The following MUCL1 variants were observed in gnomAD, a reference collection of about 807,000 sequenced individuals.
MUCL1 encodes mucin like 1.
MUCL1 carries 11 observed loss-of-function variants against 9.2 expected under a neutral mutation model. The observed-to-expected ratio is 1.19, with a 90% CI of 0.75 to 1.97. The LOEUF (loss-of-function observed/expected upper bound fraction) is 1.97. Among genes scored for constraint, MUCL1 ranks in the 30% most tolerant of loss-of-function variants. The probability of loss-of-function intolerance (pLI) is 0.00; values close to 1 mark genes in which losing one functional copy is unlikely to be tolerated. For synonymous variants in MUCL1, 48 were observed against 40.5 expected (o/e 1.19, Z -0.71); for missense variants, 144 against 110.9 (o/e 1.30, Z -1.34).
chr12:54,853,577 A>G (rs1868271900), upstream of MUCL1, among the ~76,000 whole-genome samples: 1 of 152,090 alleles, frequency 6.6e-6, no homozygotes, highest in Admixed American at 6.6e-5. Flanking sequence ...TTCAAATATC[A>G]CCTATTCAGT....
At position 54,858,328 on chromosome 12, in the gene MUCL1, T is replaced by C. The variant is rs897433655; in HGVS notation, c.*86T>C. The C allele has an allele frequency of 2.1e-6, 3 of 1,401,288 alleles. No homozygotes were observed. Among genetic ancestry groups the C allele is most frequent in the Non-Finnish European group, 3.0e-6 (3 of 988,246 alleles). The allele number at this position is 1,401,288 out of a possible 1,614,324, so 86.8% of individuals were successfully genotyped here. On this transcript the variant is annotated 3_prime_UTR_variant, in exon 4 of 4. Transcript: ENST00000308796. The stretch of plus-strand genomic sequence containing the variant: ...ATCCAACTACTTACCTTGCCTACGA[T>C]ATCCCCTTTATCTCTAATCAGTTTA...
chr12:54,847,250 G>A (rs1203680951), intron 1 of MUCL1, among the ~76,000 whole-genome samples: 2 of 152,148 alleles, frequency 1.3e-5, no homozygotes, highest in Admixed American at 6.5e-5. Flanking sequence ...ATAGTGTTGA[G>A]CAATGAACCT....
chr12:54,837,401 G>C (rs998884105), upstream of MUCL1, among the ~76,000 whole-genome samples: 3 of 151,992 alleles, frequency 2.0e-5, no homozygotes, highest in African/African-American at 7.3e-5. Flanking sequence ...TATAAGAATA[G>C]CTACTCCTGC....
At chr12:54,842,730 A>G (rs554465892) in intron 1 of MUCL1, among the ~76,000 whole-genome samples, 4 of 152,142 alleles carry the variant, frequency 2.6e-5, no homozygotes, top group African/African-American at 9.7e-5. Context: ...TATGAATACA[A>G]TTGCTTCAAC....
chr12:54,850,295 G>T (rs951990882), upstream of MUCL1, among the ~76,000 whole-genome samples: 14 of 150,750 alleles, frequency 9.3e-5, no homozygotes, highest in African/African-American at 3.4e-4. Flanking sequence ...ATCTCCTAAT[G>T]CTATCCCTCC....
At chr12:54,834,329 T>C (rs1249980316) in intron 1 of MUCL1, among the ~76,000 whole-genome samples, 1 of 152,130 alleles carries the variant, frequency 6.6e-6, no homozygotes, top group Non-Finnish European at 1.5e-5. Flanking sequence ...ATTTTTAAAC[T>C]ACCTTTTCTT....
At chr12:54,855,322 G>A in intron 2 of MUCL1, 165 bp downstream of exon 2, 2 of 623,622 alleles carry the variant, frequency 3.2e-6, no homozygotes, top group South Asian at 3.8e-5. Flanking sequence ...CACAAACATA[G>A]TGAATCTGCT....
chr12:54,852,701 G>A (rs1470529239), upstream of MUCL1, among the ~76,000 whole-genome samples: 2 of 152,048 alleles, frequency 1.3e-5, no homozygotes, highest in Non-Finnish European at 2.9e-5. Flanking sequence ...GGACACAGTG[G>A]GCTCTCAATA....
upstream of MUCL1, among the ~76,000 whole-genome samples, chr12:54,834,710 T>C (rs1364624419): frequency 6.6e-6 from 1 of 151,998 alleles, no homozygotes; most frequent in Non-Finnish European, 1.5e-5. Context: ...TTATTCATCC[T>C]ACATGATTGA....
upstream of MUCL1, among the ~76,000 whole-genome samples, chr12:54,838,359 A>T (rs1414282929): frequency 2.0e-5 from 3 of 152,274 alleles, no homozygotes; most frequent in Non-Finnish European, 1.5e-5. Flanking sequence ...CTGCTCTTAG[A>T]ATATCTTCCT....
At chr12:54,847,571 C>T (rs181302502) in intron 1 of MUCL1, among the ~76,000 whole-genome samples, 5 of 152,150 alleles carry the variant, frequency 3.3e-5, no homozygotes, top group South Asian at 2.1e-4. Flanking sequence ...GCCAAGATCA[C>T]GCCATTGCAC....
chr12:54,839,569 C>T (rs1422443079), intron 1 of MUCL1: 4 of 691,592 alleles, frequency 5.8e-6, no homozygotes, highest in Admixed American at 2.0e-5. Flanking sequence ...CAACCTCATC[C>T]TCCTGTCAAG....
intron 1 of MUCL1, among the ~76,000 whole-genome samples, chr12:54,841,145 T>C (rs1959209386): frequency 6.6e-6 from 1 of 152,242 alleles, no homozygotes; most frequent in African/African-American, 2.4e-5. Context: ...TTCATCCATG[T>C]TGCCATAAAA....
upstream of MUCL1, among the ~76,000 whole-genome samples, chr12:54,836,516 T>C (rs1013926284): frequency 2.0e-5 from 3 of 152,186 alleles, no homozygotes; most frequent in African/African-American, 7.2e-5. Context: ...TCCAATTGTG[T>C]TTATCTTGTC....
rs1592250144 is a variant in MUCL1 at position 54,855,028 on chromosome 12, G to A, written c.59-88G>A. ...AGGACTGAGGGTCTTCCATTGTAAA[G>A]TCTGGAATATTGTCCATATTCTCTC... is the stretch of plus-strand genomic sequence containing the variant. On this transcript the variant is annotated intron_variant, in intron 1 of 3. Coordinates refer to ENST00000308796, the MANE Select transcript of MUCL1 (RefSeq NM_058173.3). The A allele has an allele frequency of 1.2e-5, 14 of 1,125,026 alleles. No homozygotes were observed. The South Asian group carries it at 1.6e-4, about 13-fold the overall frequency. 69.7% of individuals were successfully genotyped at this position (1,125,026 alleles called of 1,614,324 possible). A position where few individuals can be genotyped will look rare whatever the true frequency, so the allele number is the denominator to read the frequency against.
chr12:54,835,917 C>G (rs1188664632), upstream of MUCL1, among the ~76,000 whole-genome samples: 1 of 152,152 alleles, frequency 6.6e-6, no homozygotes, highest in Admixed American at 6.6e-5. Context: ...ATCCCTGCAT[C>G]CCTGGGATGA....
At chr12:54,853,786 C>A (rs773115300), upstream of MUCL1, among the ~76,000 whole-genome samples, 3 of 151,972 alleles carry the variant, frequency 2.0e-5, no homozygotes, top group African/African-American at 7.2e-5. Flanking sequence ...GTGCTTTGTT[C>A]GCTGTTATTT....
chr12:54,854,554 C>G lies in MUCL1; in HGVS notation c.-29C>G. 1.9e-6 allele frequency: 3 copies of G among 1,601,036 alleles called. No homozygotes were observed. The South Asian group carries it at 3.3e-5, about 18-fold the overall frequency. ...CTCTTAGGCTTTGAAGCATTTTTGT[C>G]TGTGCTCCCTGATCTTCAGGTCACC... is the stretch of plus-strand genomic sequence containing the variant. On this transcript the variant is annotated 5_prime_UTR_variant, in exon 1 of 4. Coordinates refer to ENST00000308796, the MANE Select transcript of MUCL1 (RefSeq NM_058173.3).
intron 1 of MUCL1, among the ~76,000 whole-genome samples, chr12:54,844,454 G>A (rs1345804575): frequency 6.6e-6 from 1 of 152,108 alleles, no homozygotes; most frequent in Non-Finnish European, 1.5e-5. Context: ...CTAAGGATCT[G>A]GCTGAAAGGT....
Sources: gnomAD v4.1 joint callset for allele counts (sites outside exome capture counted in the v4.1 genomes callset) on GRCh38, gnomAD v4.1.1 for gene constraint, MANE v1.5 for transcripts, NCBI Gene and HGNC (gene_info 2026-07-23, HGNC 2026-07-21) for gene names.